The following ZNF713 variants were observed in gnomAD, a reference collection of about 807,000 sequenced individuals.
The protein encoded by ZNF713 is zinc finger protein 713.
A neutral mutation model predicts 28.7 loss-of-function variants in ZNF713; 21 were observed. The observed-to-expected ratio is 0.73, with a 90% CI of 0.52 to 1.05. The LOEUF (loss-of-function observed/expected upper bound fraction) is 1.05, where lower values mean the gene tolerates loss of function less well. Ranked by LOEUF, ZNF713 falls within the 50% of genes least tolerant of loss-of-function variation. The pLI is 0.00. For missense variants in ZNF713, 458 were observed against 532.4 expected (o/e 0.86, Z 1.37); for synonymous variants, 167 against 178.0 (o/e 0.94, Z 0.49).
intron 2 of ZNF713, among the ~76,000 whole-genome samples, chr7:55,908,599 T>C (rs912941212): frequency 1.3e-5 from 2 of 150,170 alleles, no homozygotes; most frequent in South Asian, 4.2e-4. Flanking sequence ...TTTGATGGGT[T>C]TTTTTTTTTC....
At chr7:55,923,349 T>C in intron 5 of ZNF713, 61 bp downstream of exon 5, 4 of 1,551,962 alleles carry the variant, frequency 2.6e-6, no homozygotes, top group Non-Finnish European at 3.5e-6. Flanking sequence ...CCTGAACTAG[T>C]AGAAGCCTGC....
chr7:55,891,048 C>G (rs192019762), intron 1 of ZNF713, among the ~76,000 whole-genome samples: 1 of 151,260 alleles, frequency 6.6e-6, no homozygotes, highest in Admixed American at 6.6e-5. Flanking sequence ...CCCACACATG[C>G]TTGGAACAAT....
chr7:55,888,620 T>G (rs571717752), intron 1 of ZNF713, among the ~76,000 whole-genome samples: 4 of 152,128 alleles, frequency 2.6e-5, no homozygotes, highest in African/African-American at 9.6e-5. Flanking sequence ...GCGCAAGTGA[T>G]CCTCCCGCCT....
chr7:55,905,623 A>G (rs1785664057), intron 1 of ZNF713, among the ~76,000 whole-genome samples: 1 of 152,086 alleles, frequency 6.6e-6, no homozygotes, highest in Non-Finnish European at 1.5e-5. Context: ...TGGGTGCAGA[A>G]CATCACCCCA....
At chr7:55,918,457 G>C (rs1304003560) in intron 4 of ZNF713, among the ~76,000 whole-genome samples, 1 of 152,308 alleles carries the variant, frequency 6.6e-6, no homozygotes, top group East Asian at 1.9e-4. Context: ...AATTGTTAGG[G>C]ATTTTAGTAC....
At chr7:55,887,814 CGGCG>C (rs1215080464) in intron 1 of ZNF713, 134 bp downstream of exon 1, 26 of 1,450 alleles carry the variant, frequency 0.018, 5 homozygotes, top group South Asian at 0.029. Context: ...GGGCGGCGGG[CGGCG>C]GGCGGCGGGC....
chr7:55,917,355 A>G (rs1785904372), intron 4 of ZNF713, among the ~76,000 whole-genome samples: 1 of 152,286 alleles, frequency 6.6e-6, no homozygotes, highest in Non-Finnish European at 1.5e-5. Context: ...TCATCTTTCT[A>G]ATATATAAAA....
chr7:55,928,757 G>A (rs1360636779), intron 6 of ZNF713, among the ~76,000 whole-genome samples: 5 of 152,104 alleles, frequency 3.3e-5, no homozygotes, highest in African/African-American at 9.7e-5. Flanking sequence ...AAACACTTCC[G>A]ACAGACACAA....
chr7:55,891,710 A>C (rs1405764562), intron 1 of ZNF713, among the ~76,000 whole-genome samples: 1 of 151,438 alleles, frequency 6.6e-6, no homozygotes, highest in Non-Finnish European at 1.5e-5. Flanking sequence ...AAACATAAAT[A>C]AACAGAAACA....
chr7:55,896,601 G>GTA (rs4049408), intron 1 of ZNF713, among the ~76,000 whole-genome samples: 63,926 of 149,176 alleles, frequency 0.43, 13,993 homozygotes, highest in East Asian at 0.57. Flanking sequence ...GTGTGTGTGT[G>GTA]TATATATATA....
chr7:55,907,085 C>A (rs1300942078), intron 2 of ZNF713, among the ~76,000 whole-genome samples: 1 of 152,164 alleles, frequency 6.6e-6, no homozygotes, highest in East Asian at 1.9e-4. Flanking sequence ...GATCCTGTTT[C>A]TGGGAATTTT....
intron 4 of ZNF713, among the ~76,000 whole-genome samples, chr7:55,916,563 T>G (rs1785885130): frequency 6.6e-6 from 1 of 152,260 alleles, no homozygotes; most frequent in Non-Finnish European, 1.5e-5. Flanking sequence ...TTGTCTCTTT[T>G]ATTCACTGGT....
In ZNF713 at chr7:55,921,187, G is replaced by GA. The variant is rs547380960; in HGVS notation, c.88-1963dup. 7.2e-3 allele frequency among the ~76,000 whole-genome samples: 1,033 copies of GA among 144,204 alleles called. 7 individuals carry two copies. The highest frequency in any genetic ancestry group is 0.029 in the Middle Eastern group (8 of 280). The allele number at this position is 144,204 out of a possible 152,430, so 94.6% of individuals were successfully genotyped here. On this transcript the variant is annotated intron_variant, in intron 4 of 6. Coordinates refer to ENST00000429591, the MANE Select transcript of ZNF713 (RefSeq NM_182633.3). ...CCCACTGTTAAGAACCACTGCTCAGGAAAAAAAAAAAATCCCTTTAAAAAT... is the reference window on the plus strand; with the variant it reads ...CCCACTGTTAAGAACCACTGCTCAGGAAAAAAAAAAAAATCCCTTTAAAAAT...
intron 6 of ZNF713, among the ~76,000 whole-genome samples, chr7:55,933,277 G>A (rs1392175496): frequency 1.3e-5 from 2 of 152,034 alleles, no homozygotes; most frequent in Non-Finnish European, 2.9e-5. Context: ...AAGGTCTTAA[G>A]GCCTACTTTT....
chr7:55,902,599 T>A (rs957502390), intron 1 of ZNF713, among the ~76,000 whole-genome samples: 1 of 152,212 alleles, frequency 6.6e-6, no homozygotes, highest in Non-Finnish European at 1.5e-5. Context: ...TCAGGCTTGA[T>A]GCTCAGGCCT....
At chr7:55,918,451 G>T (rs73698917) in intron 4 of ZNF713, among the ~76,000 whole-genome samples, 3,752 of 152,316 alleles carry the variant, frequency 0.025, 149 homozygotes, top group African/African-American at 0.081. Flanking sequence ...CAAGATAATT[G>T]TTAGGGATTT....
At chr7:55,918,003 G>GC (rs1296898789) in intron 4 of ZNF713, 3 of 455,250 alleles carry the variant, frequency 6.6e-6, no homozygotes, top group Admixed American at 4.7e-5. Context: ...CATCCCAAAT[G>GC]CTTTCTTGCA....
Position 55,940,627 on chromosome 7 carries a change from G to C in ZNF713, c.*621G>C. ...ATGGTGGTGCACACCTGCAATCCCA[G>C]CTACTCTGGAGACTGAGGCATGAGA... On this transcript the variant is annotated 3_prime_UTR_variant, in exon 7 of 7. Transcript: ENST00000429591. 1.1e-6 allele frequency: 1 copy of C among 897,534 alleles called. No homozygotes were observed. Among genetic ancestry groups the C allele is most frequent in the Non-Finnish European group, 1.3e-6 (1 of 750,508 alleles). 55.6% of individuals were successfully genotyped at this position (897,534 alleles called of 1,614,324 possible).
At chr7:55,936,264 CAA>C (rs5884432) in intron 6 of ZNF713, among the ~76,000 whole-genome samples, 2 of 130,694 alleles carry the variant, frequency 1.5e-5, no homozygotes, top group Non-Finnish European at 1.6e-5. Context: ...GACTCTGTCC[CAA>C]AAAAAAAAAA....
Sources: allele counts gnomAD v4.1 joint callset (sites outside exome capture counted in the v4.1 genomes callset), GRCh38; gene constraint gnomAD v4.1.1; transcripts MANE v1.5; gene names NCBI Gene and HGNC (gene_info 2026-07-23, HGNC 2026-07-21).